The following CIC variants were observed in gnomAD, a reference collection of about 807,000 sequenced individuals.
CIC encodes protein capicua homolog.
In CIC, 18 loss-of-function variants were observed where a neutral mutation model predicts 115.7. That is an observed-to-expected ratio of 0.16 (90% CI 0.11 to 0.23). The LOEUF is 0.23. CIC is among the 10% of genes least tolerant of loss of function. The pLI, the probability that CIC is intolerant of heterozygous loss-of-function variation, is 1.00. For synonymous variants in CIC, 1,076 were observed against 923.0 expected, an observed-to-expected ratio of 1.17 and a Z score of -3.01; for missense variants, 2,000 against 2,159.3, an observed-to-expected ratio of 0.93 and a Z score of 1.46.
At position 42,272,298 on chromosome 19, in the gene CIC, C is replaced by T; in HGVS notation, c.515C>T (p.Ser172Leu). Residue 172 changes from serine (S) to leucine (L), a missense_variant, in exon 2 of 21, where the codon TCG (serine) becomes TTG (leucine). Around this residue, in one of 8 missense-constraint regions of CIC, gnomAD observed 222 missense variants for 247.7 expected, o/e 0.90. Transcript: ENST00000681038. ...SSSTDTASEH[S>L]ADLEDEPAEA... ...TCCACTGACACAGCCAGCGAGCACTCGGCGGACCTGGAGGATGAGCCGGCT... is the reference window on the plus strand; with the variant it reads ...TCCACTGACACAGCCAGCGAGCACTTGGCGGACCTGGAGGATGAGCCGGCT... 5.0e-6 allele frequency: 2 copies of T among 398,606 alleles called. No homozygotes were observed. The highest frequency in any genetic ancestry group is 3.6e-5 in the East Asian group (1 of 28,070). The allele number at this position is 398,606 out of a possible 1,614,324, so 24.7% of individuals were successfully genotyped here.
rs767308169 is a variant in CIC, at chr19:42,274,460, T to C, written c.2677T>C (p.Phe893Leu). The C allele has an allele frequency of 2.6e-4, 102 of 398,990 alleles. No individual in the cohort carries two copies. The highest frequency in any genetic ancestry group is 3.9e-4 in the Non-Finnish European group (89 of 226,298). 24.7% of individuals were successfully genotyped at this position (398,990 alleles called of 1,614,324 possible). Residue 893 changes from phenylalanine (F) to leucine (L), a missense_variant, in exon 2 of 21, where the codon TTT (phenylalanine) becomes CTT (leucine). Transcript: ENST00000681038. ...MPAFGLASSPFQPVAFHPSPA... is the reference protein window; with the variant it reads ...MPAFGLASSPLQPVAFHPSPA... ...CGCCTTTGGCCTGGCTTCTTCACCC[T>C]TTCAGCCTGTGGCCTTCCACCCCTC...
At position 42,291,133 on chromosome 19, in the gene CIC, G is replaced by A; in HGVS notation, c.5092G>A (p.Gly1698Arg). The part of the protein sequence containing the change: ...QFIAQGAPGG[G>R]TTAGSGAGAG... ...CATTGCCCAGGGGGCCCCTGGTGGT[G>A]GGACCACTGCGGGCTCAGGAGCAGG... is the stretch of plus-strand genomic sequence containing the variant. Residue 1698 changes from glycine to arginine, a missense_variant, in exon 11 of 21, where the codon GGG (glycine) becomes AGG (arginine). Physicochemically the swap from Gly to Arg is moderately radical, Grantham distance 125. This residue lies in a region of CIC where 1,466 missense variants were observed against 1,390.4 expected (regional missense o/e 1.05). Transcript: ENST00000681038. The A allele has an allele frequency of 6.2e-7, 1 of 1,608,804 alleles. No homozygotes were observed. Among genetic ancestry groups the A allele is most frequent in the South Asian group, 1.1e-5 (1 of 90,972 alleles).
At position 42,289,829 on chromosome 19, in the gene CIC, G is replaced by A. The variant is rs1375811798; in HGVS notation, c.4088-19G>A. On this transcript the variant is annotated intron_variant, in intron 9 of 20. Transcript: ENST00000681038. Reference sequence around the variant, plus strand: ...CTGCATCTAGCCCCCTCCCCATACTGTTCCCTCCACTCCCTCAGCTGACGA... The same window carrying A: ...CTGCATCTAGCCCCCTCCCCATACTATTCCCTCCACTCCCTCAGCTGACGA... 1.3e-6 allele frequency: 2 copies of A among 1,569,010 alleles called. No homozygotes were observed. The highest frequency in any genetic ancestry group is 1.7e-6 in the Non-Finnish European group (2 of 1,154,376).
At position 42,290,243 on chromosome 19, in the gene CIC, G is replaced by A. The variant is rs751092229; in HGVS notation, c.4202G>A (p.Arg1401Gln). 6 of 1,613,950 alleles carry A rather than the reference G, an allele frequency of 3.7e-6. No homozygotes were observed. Among genetic ancestry groups the A allele is most frequent in the South Asian group, 1.1e-5 (1 of 91,082 alleles). ...EDPEGNKGFG[R>Q]KVFSPVIRSS... ...CTTCCTTTCATGCAGGGCTTTGGTC[G>A]GAAGGTGTTTTCACCTGTGATCCGT... The change falls in exon 11 of 21, where the codon CGG (arginine) becomes CAG (glutamine). Residue 1401 changes from arginine (R) to glutamine (Q), a missense_variant. Transcript: ENST00000681038.
chr19:42,278,296 C>A (rs1311043358), intron 2 of CIC, among the ~76,000 whole-genome samples: 8 of 152,248 alleles, frequency 5.3e-5, no homozygotes, highest in Admixed American at 5.2e-4. Context: ...GGTATGGCCT[C>A]CCTCCCAGCT....
Position 42,294,272 on chromosome 19 carries a change from G to A in CIC, c.7022G>A (p.Cys2341Tyr). 1 of 1,613,632 alleles carries A rather than the reference G, an allele frequency of 6.2e-7. No individual in the cohort carries two copies. Among genetic ancestry groups the A allele is most frequent in the Non-Finnish European group, 8.5e-7 (1 of 1,180,048 alleles). The change falls in exon 19 of 21, where the codon TGC becomes TAC. Residue 2341 changes from cysteine (C) to tyrosine (Y), a missense_variant. Cys to Tyr is a radical substitution (Grantham distance 194). Around this residue, in one of 8 missense-constraint regions of CIC, gnomAD observed 99 missense variants for 217.6 expected, o/e 0.45. Transcript: ENST00000681038. ...SEPNTPKSAK[C>Y]EGDIFTFDRT... ...CCCAACACCCCCAAGAGTGCCAAGTGCGAGGGGGACATCTTCACCTTTGAC... is the reference window on the plus strand; with the variant it reads ...CCCAACACCCCCAAGAGTGCCAAGTACGAGGGGGACATCTTCACCTTTGAC...
Position 42,273,409 on chromosome 19 carries a change from G to A in CIC, c.1626G>A (p.Gly542=). The part of the protein sequence containing the change: ...MEGLADSGPG[G]AGRPAAVAAR... ...GCCTGGCAGACAGTGGGCCTGGCGG[G>A]GCGGGCCGGCCCGCGGCCGTGGCAG... Residue 542 remains glycine (G), a synonymous_variant, in exon 2 of 21, where the codon GGG becomes GGA. Coordinates refer to ENST00000681038, the MANE Select transcript of CIC (RefSeq NM_001386298.1). 3 of 398,356 alleles carry A rather than the reference G, an allele frequency of 7.5e-6. No individual in the cohort carries two copies. Among genetic ancestry groups the A allele is most frequent in the Non-Finnish European group, 4.4e-6 (1 of 225,914 alleles). 24.7% of individuals were successfully genotyped at this position (398,356 alleles called of 1,614,324 possible).
In CIC at chr19:42,273,140, C is replaced by CGCA. The variant is rs1234007887; in HGVS notation, c.1366_1368dup (p.Ser456dup). The CGCA allele has an allele frequency of 2.5e-6, 1 of 398,434 alleles. No homozygotes were observed. Among genetic ancestry groups the CGCA allele is most frequent in the African/African-American group, 2.1e-5 (1 of 48,618 alleles). 24.7% of individuals were successfully genotyped at this position (398,434 alleles called of 1,614,324 possible). A position where few individuals can be genotyped will look rare whatever the true frequency, so the allele number is the denominator to read the frequency against. On this transcript the variant is annotated inframe_insertion, in exon 2 of 21. Transcript: ENST00000681038. ...CCAGGAGGGGAGCCAGGGCGGCAGC[C>CGCA]GCAGCAGCAGCGTGGCCTCCCTGGA...
In CIC at chr19:42,290,299, G is replaced by C. The variant is rs752685054; in HGVS notation, c.4258G>C (p.Asp1420His). Residue 1420 changes from aspartate (D) to histidine (H), a missense_variant, in exon 11 of 21, where the codon GAC (aspartate) becomes CAC (histidine). Transcript: ENST00000681038. ...CTTTACCCACTGCCGCCCCCCACTG[G>C]ACCCTGAGCCCCCAGGGCCCCCGGA... ...SSFTHCRPPL[D>H]PEPPGPPDPP... 1 of 1,614,036 alleles carries C rather than the reference G, an allele frequency of 6.2e-7. No homozygotes were observed. Among genetic ancestry groups the C allele is most frequent in the Non-Finnish European group, 8.5e-7 (1 of 1,179,970 alleles).
At chr19:42,282,028 G>C (rs1373679466) in intron 2 of CIC, among the ~76,000 whole-genome samples, 3 of 152,174 alleles carry the variant, frequency 2.0e-5, no homozygotes, top group Admixed American at 1.3e-4. Context: ...GCAGTGGTAG[G>C]GGCAGTGGTG....
rs1440020162 is a variant in CIC at position 42,280,854 on chromosome 19, G to GC, written c.2795-5916dup. ...GCGCCGACCAACCCTCCCAGCCCAAGCGCCTGTACACCCCTTTCCCGCCCC... is the reference window on the plus strand; with the variant it reads ...GCGCCGACCAACCCTCCCAGCCCAAGCCGCCTGTACACCCCTTTCCCGCCCC... On this transcript the variant is annotated intron_variant, in intron 2 of 20. Coordinates refer to ENST00000681038, the MANE Select transcript of CIC (RefSeq NM_001386298.1). The surrounding 1 kb of genome is among the most constrained non-coding windows in gnomAD (Gnocchi z 4.9). Among the ~76,000 whole-genome samples the GC allele has an allele frequency of 1.3e-5, 2 of 151,720 alleles. No individual in the cohort carries two copies. Among genetic ancestry groups the GC allele is most frequent in the African/African-American group, 4.8e-5 (2 of 41,274 alleles).
Position 42,272,352 on chromosome 19 carries a change from C to T in CIC, c.569C>T (p.Pro190Leu), listed in dbSNP as rs1332173834. The change falls in exon 2 of 21, where the codon CCT becomes CTT. Residue 190 changes from proline to leucine, a missense_variant. Physicochemically the swap from Pro to Leu is moderately conservative, Grantham distance 98. Around this residue, in one of 8 missense-constraint regions of CIC, gnomAD observed 222 missense variants for 247.7 expected, o/e 0.90. Coordinates refer to ENST00000681038, the MANE Select transcript of CIC (RefSeq NM_001386298.1). ...AEACGPGPWP[P>L]GSTSGSYDLR... The stretch of plus-strand genomic sequence containing the variant: ...GCTTGTGGTCCAGGCCCTTGGCCCC[C>T]TGGCAGCACCAGTGGCAGCTATGAC... 1 of 398,434 alleles carries T rather than the reference C, an allele frequency of 2.5e-6. No individual in the cohort carries two copies. Among genetic ancestry groups the T allele is most frequent in the Non-Finnish European group, 4.4e-6 (1 of 226,004 alleles). 24.7% of individuals were successfully genotyped at this position (398,434 alleles called of 1,614,324 possible). A position where few individuals can be genotyped will look rare whatever the true frequency, so the allele number is the denominator to read the frequency against.
intron 2 of CIC, chr19:42,284,695 G>A (rs780309980): frequency 4.5e-6 from 7 of 1,543,732 alleles, no homozygotes; most frequent in South Asian, 2.4e-5. Flanking sequence ...GGTCCCCCCT[G>A]CGCCGGACCA....
Position 42,290,477 on chromosome 19 carries a change from C to T in CIC, c.4436C>T (p.Pro1479Leu), listed in dbSNP as rs1171989447. 1.2e-6 allele frequency: 2 copies of T among 1,613,814 alleles called. No individual in the cohort carries two copies. Among genetic ancestry groups the T allele is most frequent in the East Asian group, 2.2e-5 (1 of 44,882 alleles). The part of the protein sequence containing the change: ...QESGQGSTAG[P>L]LRPPPPGAGG... ...TCTGGTCAGGGCAGCACAGCGGGCC[C>T]CCTACGGCCCCCACCCCCTGGGGCT... Residue 1479 changes from proline (P) to leucine (L), a missense_variant, in exon 11 of 21, where the codon CCC becomes CTC. Coordinates refer to ENST00000681038, the MANE Select transcript of CIC (RefSeq NM_001386298.1).
In CIC at chr19:42,289,936, C is replaced by G. The variant is rs767881294; in HGVS notation, c.4176C>G (p.Asp1392Glu). The change falls in exon 10 of 21, where the codon GAC (aspartate) becomes GAG (glutamate). Residue 1392 changes from aspartate (D) to glutamate (E), a missense_variant. By Grantham distance (45) the Asp-to-Glu change is conservative (BLOSUM62 2). Around this residue, in one of 8 missense-constraint regions of CIC, gnomAD observed 1,466 missense variants for 1,390.4 expected, o/e 1.05. Coordinates refer to ENST00000681038, the MANE Select transcript of CIC (RefSeq NM_001386298.1). ...AGAGTGGGGACAGCTCTGGGGAGGA[C>G]CCAGAGGGCAACAAGGTGAGGGCTT... is the stretch of plus-strand genomic sequence containing the variant. Reference protein sequence around the residue: ...DSESGDSSGEDPEGNKGFGRK... With the variant: ...DSESGDSSGEEPEGNKGFGRK... The G allele has an allele frequency of 1.2e-6, 2 of 1,605,900 alleles. No homozygotes were observed. Among genetic ancestry groups the G allele is most frequent in the Admixed American group, 3.4e-5 (2 of 58,604 alleles).
Position 42,293,200 on chromosome 19 carries a change from C to G in CIC, c.6441C>G (p.Thr2147=). 1 of 1,600,038 alleles carries G rather than the reference C, an allele frequency of 6.2e-7. No homozygotes were observed. Among genetic ancestry groups the G allele is most frequent in the Non-Finnish European group, 8.5e-7 (1 of 1,174,320 alleles). ...TPPAPPPLPE[T]WTPTARSSPP... is the part of the protein sequence containing the mutation. ...CAGCCCCTCCACCCCTGCCAGAGAC[C>G]TGGACTCCCACGGCCCGGAGCAGCC... The change falls in exon 16 of 21, where the codon ACC becomes ACG. Residue 2147 remains threonine, a synonymous_variant. Transcript: ENST00000681038.
rs773492007 is a variant in CIC at position 42,294,046 on chromosome 19, G to C, written c.6879G>C (p.Arg2293=). Residue 2293 remains arginine (R), a synonymous_variant, in exon 18 of 21, where the codon CGG becomes CGC. Transcript: ENST00000681038. ...PTLQSLATSP[R]AILGSYRKKR... ...TGCAGTCTCTGGCCACCTCACCCCGGGCCATCCTGGGCTCTTACCGCAAGA... is the reference window on the plus strand; with the variant it reads ...TGCAGTCTCTGGCCACCTCACCCCGCGCCATCCTGGGCTCTTACCGCAAGA... 3.7e-6 allele frequency: 6 copies of C among 1,613,500 alleles called. No individual in the cohort carries two copies. The highest frequency in any genetic ancestry group is 5.1e-6 in the Non-Finnish European group (6 of 1,179,992).
At chr19:42,294,575 C>G in intron 19 of CIC, 29 bp from the exon 20 acceptor site, 1 of 1,612,362 alleles carries the variant, frequency 6.2e-7, no homozygotes, top group Non-Finnish European at 8.5e-7. Flanking sequence ...GCTGCTGCAG[C>G]CTTGCCATGC....
chr19:42,286,706 A>C, intron 2 of CIC, 65 bp from the exon 3 acceptor site: 100 of 1,597,228 alleles, frequency 6.3e-5, no homozygotes, highest in Non-Finnish European at 7.7e-5. Context: ...AGGGTGGGGA[A>C]GAGCTTGAGT....
Sources: gnomAD v4.1 joint callset for allele counts (sites outside exome capture counted in the v4.1 genomes callset) on GRCh38, gnomAD v4.1.1 for gene constraint, gnomAD v4.1.1 regional missense constraint, Gnocchi (gnomAD v3.1) non-coding constraint, MANE v1.5 for transcripts, NCBI Gene and HGNC (gene_info 2026-07-23, HGNC 2026-07-21) for gene names.